ABCD2: variants seen among roughly 807,000 people sequenced by gnomAD.
ABCD2 encodes the protein ATP-binding cassette sub-family D member 2.
A neutral mutation model predicts 70.9 loss-of-function variants in ABCD2; 36 were observed. That is an observed-to-expected ratio of 0.51 (90% CI 0.39 to 0.67). The LOEUF (loss-of-function observed/expected upper bound fraction) is 0.67, where lower values mean the gene tolerates loss of function less well. Ranked by LOEUF, ABCD2 falls within the 30% of genes least tolerant of loss-of-function variation. ABCD2 has a pLI of 0.00. For synonymous variants in ABCD2, 304 were observed against 306.9 expected (o/e 0.99, Z 0.10); for missense variants, 729 against 890.2 (o/e 0.82, Z 2.30).
intron 3 of ABCD2, among the ~76,000 whole-genome samples, chr12:39,606,446 T>C (rs1256602299): frequency 6.6e-6 from 1 of 152,104 alleles, no homozygotes; most frequent in African/African-American, 2.4e-5. Flanking sequence ...ATTCGTTGAG[T>C]TGGAGACAGT....
chr12:39,603,847 G>T, intron 5 of ABCD2, 65 bp downstream of exon 5: 2 of 1,215,432 alleles, frequency 1.6e-6, no homozygotes, highest in Non-Finnish European at 1.2e-6. Context: ...TAAGGTACAT[G>T]AATTCTGAGT....
Position 39,619,149 on chromosome 12 carries a change from G to T in ABCD2, c.467C>A (p.Pro156His), listed in dbSNP as rs752263937. 2.5e-6 allele frequency: 4 copies of T among 1,614,226 alleles called. No homozygotes were observed. Among genetic ancestry groups the T allele is most frequent in the Non-Finnish European group, 3.4e-6 (4 of 1,180,038 alleles). The stretch of plus-strand genomic sequence containing the variant: ...TATTGCACTGTTGACGAAGGTAGCA[G>T]GGATGGCAATCATAAGCCACTTGAT... ...KLIKWLMIAIPATFVNSAIRY... is the reference protein window; with the variant it reads ...KLIKWLMIAIHATFVNSAIRY... Residue 156 changes from proline to histidine, a missense_variant, in exon 1 of 10, where the codon CCT becomes CAT. Coordinates refer to ENST00000308666, the MANE Select transcript of ABCD2 (RefSeq NM_005164.4).
chr12:39,583,512 A>G (rs1360602539), intron 7 of ABCD2, among the ~76,000 whole-genome samples: 1 of 152,092 alleles, frequency 6.6e-6, no homozygotes, highest in Non-Finnish European at 1.5e-5. Flanking sequence ...TTTTTGTTTT[A>G]TTTTATTTTA....
chr12:39,584,603 C>T (rs981317156), intron 7 of ABCD2, among the ~76,000 whole-genome samples: 1 of 152,102 alleles, frequency 6.6e-6, no homozygotes, highest in Non-Finnish European at 1.5e-5. Flanking sequence ...GTTTCCATGT[C>T]CAGGATAGTT....
At chr12:39,545,838 C>T (rs1374566388), downstream of ABCD2, among the ~76,000 whole-genome samples, 2 of 152,016 alleles carry the variant, frequency 1.3e-5, no homozygotes, top group Admixed American at 6.6e-5. Context: ...CTGGACCTGT[C>T]CACCTGACTT....
intron 8 of ABCD2, among the ~76,000 whole-genome samples, chr12:39,575,524 T>G (rs1027705988): frequency 6.6e-6 from 1 of 152,180 alleles, no homozygotes; most frequent in Admixed American, 6.5e-5. Context: ...TCTATCCCCT[T>G]AAGACAGGAG....
the ABCD2 span, chr12:39,539,571 G>A: frequency 6.4e-6 from 1 of 155,194 alleles, no homozygotes; most frequent in South Asian, 2.0e-4. Flanking sequence ...TATTGTAGGA[G>A]TTAAAATCTC....
chr12:39,616,245 C>T (rs375551954), intron 2 of ABCD2, among the ~76,000 whole-genome samples: 4 of 152,254 alleles, frequency 2.6e-5, no homozygotes, highest in African/African-American at 4.8e-5. Flanking sequence ...CTGTTCCAAC[C>T]AATTAAGATC....
In ABCD2 at chr12:39,586,219, A is replaced by G. The variant is rs1941664482; in HGVS notation, c.1725T>C (p.Tyr575=). ...DSVDDMHDKG[Y]TDQDLERILH... is the part of the protein sequence containing the mutation. Reference sequence around the variant, plus strand: ...GGATACGTTCCAGATCTTGGTCTGTATAACCTTTATCATGCATATCATCCA... The same window carrying G: ...GGATACGTTCCAGATCTTGGTCTGTGTAACCTTTATCATGCATATCATCCA... Residue 575 remains tyrosine, a synonymous_variant, in exon 7 of 10, where the codon TAT becomes TAC. Transcript: ENST00000308666. 4.3e-6 allele frequency: 7 copies of G among 1,613,596 alleles called. No individual in the cohort carries two copies. The highest frequency in any genetic ancestry group is 5.1e-6 in the Non-Finnish European group (6 of 1,179,716).
chr12:39,536,324 C>G, the ABCD2 span, among the ~76,000 whole-genome samples: 1 of 152,160 alleles, frequency 6.6e-6, no homozygotes, highest in African/African-American at 2.4e-5. Context: ...AATTCTACCA[C>G]AGAAACTCTG....
intron 9 of ABCD2, among the ~76,000 whole-genome samples, chr12:39,557,556 C>G (rs1230586197): frequency 6.6e-6 from 1 of 152,096 alleles, no homozygotes; most frequent in Non-Finnish European, 1.5e-5. Context: ...TGTTAATCAC[C>G]AAGACAATGG....
intron 2 of ABCD2, among the ~76,000 whole-genome samples, chr12:39,613,876 G>A (rs943997666): frequency 1.3e-5 from 2 of 152,136 alleles, no homozygotes; most frequent in African/African-American, 2.4e-5. Flanking sequence ...TAAAGTTTTA[G>A]GTGGATAGTA....
At chr12:39,596,985 G>T (rs1031139617) in intron 6 of ABCD2, among the ~76,000 whole-genome samples, 1 of 151,952 alleles carries the variant, frequency 6.6e-6, no homozygotes, top group African/African-American at 2.4e-5. Context: ...TTGTTTGTAT[G>T]ATTTTTTATG....
In ABCD2 at chr12:39,553,544, C is replaced by T. The variant is rs886302546; in HGVS notation, c.*368G>A. The T allele has an allele frequency of 1.1e-5, 2 of 175,516 alleles. No homozygotes were observed. The highest frequency in any genetic ancestry group is 2.4e-5 in the Non-Finnish European group (2 of 82,942). The allele number at this position is 175,516 out of a possible 1,614,324, so 10.9% of individuals were successfully genotyped here. A position where few individuals can be genotyped will look rare whatever the true frequency, so the allele number is the denominator to read the frequency against. On this transcript the variant is annotated 3_prime_UTR_variant, in exon 10 of 10. Coordinates refer to ENST00000308666, the MANE Select transcript of ABCD2 (RefSeq NM_005164.4). ...TGAATCTTATGCACTTGGTATCAAC[C>T]CAAATGCTGCTCAGTTTAACTTGTT... is the stretch of plus-strand genomic sequence containing the variant.
At chr12:39,610,766 A>C (rs1232262289) in intron 2 of ABCD2, among the ~76,000 whole-genome samples, 1 of 152,150 alleles carries the variant, frequency 6.6e-6, no homozygotes, top group Non-Finnish European at 1.5e-5. Context: ...AAAATAATAA[A>C]AGCTTCCTCC....
At chr12:39,564,280 C>T (rs568373661) in intron 9 of ABCD2, among the ~76,000 whole-genome samples, 70 of 152,312 alleles carry the variant, frequency 4.6e-4, no homozygotes, top group Non-Finnish European at 9.0e-4. Flanking sequence ...CACATCCTCT[C>T]CAGCACCTGT....
In ABCD2 at chr12:39,618,729, T is replaced by A. The variant is rs766329449; in HGVS notation, c.887A>T (p.His296Leu). 6.2e-7 allele frequency: 1 copy of A among 1,614,226 alleles called. No individual in the cohort carries two copies. Among genetic ancestry groups the A allele is most frequent in the South Asian group, 1.1e-5 (1 of 91,088 alleles). The stretch of plus-strand genomic sequence containing the variant: ...TTCTACATTGGCTATAATTCTCGAG[T>A]GCACATACCGCAAATAGCCTTTTCT... ...AHRKGYLRYV[H>L]SRIIANVEEI... The change falls in exon 1 of 10, where the codon CAC becomes CTC. Residue 296 changes from histidine (H) to leucine (L), a missense_variant. His to Leu is a moderately conservative substitution (Grantham distance 99). This residue lies in a region of ABCD2 where 195 missense variants were observed against 300.2 expected (regional missense o/e 0.65). Transcript: ENST00000308666.
chr12:39,565,009 C>A (rs573981057), intron 9 of ABCD2, among the ~76,000 whole-genome samples: 1 of 152,232 alleles, frequency 6.6e-6, no homozygotes, highest in African/African-American at 2.4e-5. Flanking sequence ...GGTACTAGTA[C>A]CATGCTGTTT....
intron 8 of ABCD2, among the ~76,000 whole-genome samples, chr12:39,578,146 A>C (rs374011678): frequency 6.6e-6 from 1 of 152,210 alleles, no homozygotes; most frequent in Non-Finnish European, 1.5e-5. Flanking sequence ...ATTCATGTAC[A>C]TAACTATTTG....
Sources: allele counts gnomAD v4.1 joint callset (sites outside exome capture counted in the v4.1 genomes callset), GRCh38; gene constraint gnomAD v4.1.1; regional missense constraint gnomAD v4.1.1; transcripts MANE v1.5; gene names NCBI Gene and HGNC (gene_info 2026-07-23, HGNC 2026-07-21).